Variants in USP4 observed in about 807,000 individuals in gnomAD.
USP4 encodes the protein ubiquitin specific peptidase 4.
Under a neutral mutation model 118.2 loss-of-function variants are expected in USP4, and 72 were observed. The ratio of observed to expected loss-of-function variants is 0.61; its 90% CI spans 0.50 to 0.74. The LOEUF is 0.74. Among genes scored for constraint, USP4 ranks in the 30% least tolerant of loss-of-function variants. USP4 has a pLI of 0.00. For missense variants in USP4, 1,037 were observed against 1,185.7 expected (o/e 0.87, Z 1.84); for synonymous variants, 415 against 440.4 (o/e 0.94, Z 0.72).
chr3:49,316,834 G>A (rs577778176), intron 6 of USP4: 5 of 549,058 alleles, frequency 9.1e-6, no homozygotes, highest in Admixed American at 6.3e-5. Flanking sequence ...TGTGGGTGCC[G>A]CAGAGACAGG....
At chr3:49,280,916 G>A in intron 19 of USP4, 69 bp from the exon 20 acceptor site, 9 of 1,330,952 alleles carry the variant, frequency 6.8e-6, no homozygotes, top group South Asian at 2.5e-5. Context: ...GAGTAACCCA[G>A]CAACCTCTGT....
At chr3:49,306,109 G>C (rs934686534) in intron 8 of USP4, among the ~76,000 whole-genome samples, 1 of 151,870 alleles carries the variant, frequency 6.6e-6, no homozygotes, top group South Asian at 2.1e-4. Context: ...TTAGAGGACC[G>C]CATATGCATT....
rs893684536 is a variant in USP4, at chr3:49,311,587, CTG to C, written c.761_762del (p.Ser254CysfsTer10). The C allele has an allele frequency of 3.1e-6, 5 of 1,614,052 alleles. No homozygotes were observed. Among genetic ancestry groups the C allele is most frequent in the Non-Finnish European group, 4.2e-6 (5 of 1,179,956 alleles). On this transcript the variant is annotated frameshift_variant, in exon 7 of 22. Coordinates refer to ENST00000265560, the MANE Select transcript of USP4 (RefSeq NM_003363.4). LOFTEE classifies it high-confidence loss of function. ...SPKSSASPYS[S>X]VSASLIANGD... ...CCATTTGCAATGAGAGAGGCAGACA[CTG>C]AGGAATAGGGACTTGCTGATGATTT...
intron 15 of USP4, among the ~76,000 whole-genome samples, chr3:49,291,906 C>T (rs910812706): frequency 2.6e-5 from 4 of 151,824 alleles, no homozygotes; most frequent in Admixed American, 2.0e-4. Context: ...CTCTACCTCC[C>T]GGGTTCACGC....
At chr3:49,331,552 C>T (rs559767287) in intron 2 of USP4, among the ~76,000 whole-genome samples, 46 of 152,190 alleles carry the variant, frequency 3.0e-4, no homozygotes, top group Admixed American at 1.6e-3. Context: ...ACCCGGGAAG[C>T]AGAGGTTGCA....
chr3:49,317,231 A>G (rs1206401410), intron 6 of USP4: 8 of 1,533,450 alleles, frequency 5.2e-6, no homozygotes, highest in Admixed American at 1.7e-5. Flanking sequence ...GTCTGGTAGA[A>G]CTTACTGCAA....
At position 49,292,548 on chromosome 3, in the gene USP4, T is replaced by A; in HGVS notation, c.1934A>T (p.Glu645Val). The A allele has an allele frequency of 6.2e-7, 1 of 1,601,310 alleles. No homozygotes were observed. The highest frequency in any genetic ancestry group is 8.5e-7 in the Non-Finnish European group (1 of 1,173,274). The change falls in exon 15 of 22, where the codon GAG becomes GTG. Residue 645 changes from glutamate to valine, a missense_variant. Transcript: ENST00000265560. Reference protein sequence around the residue: ...LPDEFGSSPLEPGACNGSRNS... With the variant: ...LPDEFGSSPLVPGACNGSRNS... ...CCTGGAGCCATTGCAGGCCCCTGGC[T>A]CCAAGGGTGAGCTGCCAAACTCATC...
At chr3:49,325,183 A>C in intron 4 of USP4, 144 bp from the exon 5 acceptor site, 2 of 1,044,816 alleles carry the variant, frequency 1.9e-6, no homozygotes, top group Non-Finnish European at 2.8e-6. Context: ...AAAATCAATC[A>C]TCTCCCATGG....
intron 20 of USP4, among the ~76,000 whole-genome samples, chr3:49,279,555 G>C (rs1174608339): frequency 2.0e-5 from 3 of 152,072 alleles, no homozygotes; most frequent in Non-Finnish European, 2.9e-5. Context: ...TTCTTGTCTT[G>C]ACTTTACACT....
intron 19 of USP4, among the ~76,000 whole-genome samples, chr3:49,281,740 C>T (rs192767028): frequency 5.8e-4 from 86 of 148,118 alleles, no homozygotes; most frequent in East Asian, 2.8e-3. Context: ...AGGCCGGGCA[C>T]AGTGGCTCAT....
rs1336643836 is a variant in USP4, at chr3:49,295,736, C to CACACACACACA, written c.1692-1139_1692-1138insTGTGTGTGTGT. Among the ~76,000 whole-genome samples the CACACACACACA allele has an allele frequency of 4.9e-3, 694 of 142,934 alleles. 5 individuals carry two copies. Among genetic ancestry groups the CACACACACACA allele is most frequent in the African/African-American group, 0.018 (660 of 37,500 alleles). 93.8% of individuals were successfully genotyped at this position (142,934 alleles called of 152,430 possible). A position where few individuals can be genotyped will look rare whatever the true frequency, so the allele number is the denominator to read the frequency against. The stretch of plus-strand genomic sequence containing the variant: ...CGCGCACACACACACACACACACAC[C>CACACACACACA]CCCCCCTCCCCAAATGCCTAGCAAA... On this transcript the variant is annotated intron_variant, in intron 13 of 21. Coordinates refer to ENST00000265560, the MANE Select transcript of USP4 (RefSeq NM_003363.4).
At chr3:49,324,572 A>C in intron 6 of USP4, 130 bp downstream of exon 6, 2 of 865,652 alleles carry the variant, frequency 2.3e-6, no homozygotes, top group Non-Finnish European at 3.8e-6. Context: ...AGAAGCATGA[A>C]CTCTGGATAT....
At chr3:49,300,337 G>A in intron 11 of USP4, 130 bp downstream of exon 11, 1 of 732,454 alleles carries the variant, frequency 1.4e-6, no homozygotes, top group East Asian at 2.6e-5. Context: ...TCTGATGGAG[G>A]CCAAGGGCCC....
intron 19 of USP4, among the ~76,000 whole-genome samples, chr3:49,282,730 CAG>C (rs1374514284): frequency 6.6e-6 from 1 of 150,858 alleles, no homozygotes; most frequent in African/African-American, 2.4e-5. Flanking sequence ...TTTTTGGAAA[CAG>C]GGGCTTGCTC....
At position 49,281,476 on chromosome 3, in the gene USP4, G is replaced by GTATATATA. The variant is rs568103712; in HGVS notation, c.2541-637_2541-630dup. ...GTCTCAAAAAAGAAAAAAAGTATGTGTATATATATATATATACACACACAC... is the reference window on the plus strand; with the variant it reads ...GTCTCAAAAAAGAAAAAAAGTATGTGTATATATATATATATATATATATACACACACAC... On this transcript the variant is annotated intron_variant, in intron 19 of 21. Transcript: ENST00000265560. Among the ~76,000 whole-genome samples the GTATATATA allele has an allele frequency of 1.2e-4, 13 of 105,978 alleles. No homozygotes were observed. In the East Asian group the frequency reaches 2.2e-3, roughly 18 times the overall value. The allele number at this position is 105,978 out of a possible 152,430, so 69.5% of individuals were successfully genotyped here.
rs1376437341 is a variant in USP4 at position 49,311,737 on chromosome 3, AATAAAT to A, written c.696-89_696-84del. On this transcript the variant is annotated intron_variant, in intron 6 of 21. Coordinates refer to ENST00000265560, the MANE Select transcript of USP4 (RefSeq NM_003363.4). ...TAATGCCTTAGGTTGCTTCTCAAGGAATAAATATTCTTCATATTAAGTTAAAATAAA... is the reference window on the plus strand; with the variant it reads ...TAATGCCTTAGGTTGCTTCTCAAGGAATTCTTCATATTAAGTTAAAATAAA... 5.9e-6 allele frequency: 9 copies of A among 1,533,702 alleles called. No homozygotes were observed. The East Asian group carries it at 2.1e-4, about 36-fold the overall frequency.
At chr3:49,280,607 A>G (rs2047012200) in intron 20 of USP4, 137 bp downstream of exon 20, 2 of 573,622 alleles carry the variant, frequency 3.5e-6, no homozygotes, top group Non-Finnish European at 6.0e-6. Context: ...GAGGGGAATC[A>G]GTATGAAGAA....
chr3:49,307,134 C>G lies in USP4; in HGVS notation c.955-1246G>C, dbSNP rs150765239. 2.0e-3 allele frequency among the ~76,000 whole-genome samples: 304 copies of G among 152,154 alleles called. 6 individuals carry two copies. The East Asian group carries it at 0.048, about 24-fold the overall frequency. On this transcript the variant is annotated intron_variant, in intron 8 of 21. Coordinates refer to ENST00000265560, the MANE Select transcript of USP4 (RefSeq NM_003363.4). ...TTAACAAATGTTTTATGTTTTTGCT[C>G]ACACTACAAAAAAATTCAAAGTTAG...
chr3:49,306,029 TA>T, intron 8 of USP4, 141 bp from the exon 9 acceptor site: 2 of 808,076 alleles, frequency 2.5e-6, no homozygotes, highest in Non-Finnish European at 3.6e-6. Flanking sequence ...CTCACGACAG[TA>T]AAGCACAGCC....
Sources: allele counts gnomAD v4.1 joint callset (sites outside exome capture counted in the v4.1 genomes callset), GRCh38; gene constraint gnomAD v4.1.1; transcripts MANE v1.5; gene names NCBI Gene and HGNC (gene_info 2026-07-23, HGNC 2026-07-21).